The following SLC35D2 variants were observed in gnomAD, a reference collection of about 807,000 sequenced individuals.
The protein encoded by SLC35D2 is nucleotide sugar transporter SLC35D2.
In SLC35D2, 43 loss-of-function variants were observed where a neutral mutation model predicts 41.8. The ratio of observed to expected loss-of-function variants is 1.03; its 90% CI spans 0.81 to 1.33. The LOEUF is 1.33. Among genes scored for constraint, SLC35D2 ranks in the 40% most tolerant of loss-of-function variants. SLC35D2 has a pLI of 0.00. For synonymous variants in SLC35D2, 150 were observed against 163.9 expected, an observed-to-expected ratio of 0.92 and a Z score of 0.65; for missense variants, 380 against 408.4, an observed-to-expected ratio of 0.93 and a Z score of 0.60.
intron 1 of SLC35D2, among the ~76,000 whole-genome samples, chr9:96,375,915 CT>C (rs1230776625): frequency 6.6e-6 from 1 of 152,012 alleles, no homozygotes; most frequent in Non-Finnish European, 1.5e-5. Flanking sequence ...AATCCCAGCA[CT>C]TTGGGAGGCC....
chr9:96,348,597 GTCACTGCTGGTCTGTAGCTAAGCAC>G, intron 6 of SLC35D2, among the ~76,000 whole-genome samples: 1 of 152,288 alleles, frequency 6.6e-6, no homozygotes, highest in Non-Finnish European at 1.5e-5. Context: ...GCAGGATAGG[GTCACTGCTGGTCTGTAGCTAAGCAC>G]TCACTGCTGA....
chr9:96,345,766 G>A (rs2130915605), intron 6 of SLC35D2, among the ~76,000 whole-genome samples: 1 of 152,306 alleles, frequency 6.6e-6, no homozygotes, highest in East Asian at 1.9e-4. Context: ...AGTGAACAGG[G>A]CCACCTCCAG....
chr9:96,366,590 C>T (rs1040305446), intron 2 of SLC35D2, among the ~76,000 whole-genome samples: 2 of 136,300 alleles, frequency 1.5e-5, no homozygotes, highest in African/African-American at 5.5e-5. Context: ...GGTGCAATCT[C>T]GGCTCACTGC....
chr9:96,341,949 T>A (rs536656806), intron 8 of SLC35D2, among the ~76,000 whole-genome samples: 150 of 130,072 alleles, frequency 1.2e-3, no homozygotes, highest in Admixed American at 2.8e-3. Context: ...AAAAAAAAAA[T>A]ATATATATAT....
Position 96,345,333 on chromosome 9 carries a change from T to C in SLC35D2, c.557A>G (p.Asn186Ser). 1 of 1,612,026 alleles carries C rather than the reference T, an allele frequency of 6.2e-7. No individual in the cohort carries two copies. The highest frequency in any genetic ancestry group is 8.5e-7 in the Non-Finnish European group (1 of 1,178,668). ...VFLNDIFTAA[N>S]GVYTKQKMDP... ...CATTTTCTGTTTGGTATAAACTCCA[T>C]TTGCTGCTGTGAAGATATCATTCAG... is the stretch of plus-strand genomic sequence containing the variant. Residue 186 changes from asparagine (N) to serine (S), a missense_variant, in exon 7 of 12, where the codon AAT becomes AGT. Physicochemically the swap from Asn to Ser is conservative, Grantham distance 46. Coordinates refer to ENST00000253270, the MANE Select transcript of SLC35D2 (RefSeq NM_007001.3).
chr9:96,358,078 T>TATATATATATATATATATATATA lies in SLC35D2; in HGVS notation c.347+2075_347+2076insTATATATATATATATATATATAT, dbSNP rs1491320526. 1.0e-4 allele frequency among the ~76,000 whole-genome samples: 8 copies of TATATATATATATATATATATATA among 79,248 alleles called. 1 individual carries two copies. Among genetic ancestry groups the TATATATATATATATATATATATA allele is most frequent in the African/African-American group, 3.3e-4 (5 of 14,928 alleles). The allele number at this position is 79,248 out of a possible 152,430, so 52.0% of individuals were successfully genotyped here. A position where few individuals can be genotyped will look rare whatever the true frequency, so the allele number is the denominator to read the frequency against. On this transcript the variant is annotated intron_variant, in intron 4 of 11. Coordinates refer to ENST00000253270, the MANE Select transcript of SLC35D2 (RefSeq NM_007001.3). Reference sequence around the variant, plus strand: ...AAATGGATAAACAAAATATTATATATTTTATATATATATATATATATATAT... The same window carrying TATATATATATATATATATATATA: ...AAATGGATAAACAAAATATTATATATATATATATATATATATATATATATTTATATATATATATATATATATAT...
At chr9:96,376,447 A>T (rs928687905) in intron 1 of SLC35D2, among the ~76,000 whole-genome samples, 3 of 151,802 alleles carry the variant, frequency 2.0e-5, no homozygotes, top group African/African-American at 7.3e-5. Flanking sequence ...TCTACTAAAA[A>T]AATATATAAA....
At position 96,322,001 on chromosome 9, in the gene SLC35D2, A is replaced by G; in HGVS notation, c.911T>C (p.Ile304Thr). The G allele has an allele frequency of 6.3e-7, 1 of 1,578,340 alleles. No individual in the cohort carries two copies. Reference protein sequence around the residue: ...FSLLNFVGLNICMAGGLRYSF... With the variant: ...FSLLNFVGLNTCMAGGLRYSF... Reference sequence around the variant, plus strand: ...TCCATTAAAAATTCCCACTCACCAAATATTTAACCCTACAAAGTTTAACAA... The same window carrying G: ...TCCATTAAAAATTCCCACTCACCAAGTATTTAACCCTACAAAGTTTAACAA... The change falls in exon 11 of 12, where the codon ATT (isoleucine) becomes ACT (threonine). Residue 304 changes from isoleucine to threonine, a missense_variant. Physicochemically the swap from Ile to Thr is moderately conservative, Grantham distance 89 (BLOSUM62 -1). Coordinates refer to ENST00000253270, the MANE Select transcript of SLC35D2 (RefSeq NM_007001.3).
chr9:96,343,659 T>C (rs1451043384), intron 8 of SLC35D2, among the ~76,000 whole-genome samples: 3 of 152,190 alleles, frequency 2.0e-5, no homozygotes, highest in African/African-American at 7.2e-5. Flanking sequence ...CAGATTTGTA[T>C]TGTTGTTTTC....
intron 10 of SLC35D2, among the ~76,000 whole-genome samples, chr9:96,323,092 T>C (rs1035507266): frequency 1.3e-5 from 2 of 149,452 alleles, no homozygotes; most frequent in Admixed American, 6.8e-5. Flanking sequence ...CAGGGCCAAG[T>C]AGTGAGTTAA....
chr9:96,314,755 A>AT (rs1254941179), exon 12 of SLC35D2: 1 of 152,282 alleles, frequency 6.6e-6, no homozygotes, highest in African/African-American at 2.4e-5. Context: ...TACAAATTAA[A>AT]TTTTTAAAAA....
At chr9:96,362,235 T>C (rs1011321160) in intron 3 of SLC35D2, among the ~76,000 whole-genome samples, 1 of 152,146 alleles carries the variant, frequency 6.6e-6, no homozygotes, top group African/African-American at 2.4e-5. Flanking sequence ...TGGCTGGGTG[T>C]AGTGACTCAA....
At position 96,338,005 on chromosome 9, in the gene SLC35D2, A is replaced by AAAAAAG. The variant is rs373089900; in HGVS notation, c.685-1222_685-1221insCTTTTT. Among the ~76,000 whole-genome samples the AAAAAAG allele has an allele frequency of 1.0e-4, 11 of 104,794 alleles. 1 individual carries two copies. Among genetic ancestry groups the AAAAAAG allele is most frequent in the Admixed American group, 2.1e-4 (2 of 9,596 alleles). 68.7% of individuals were successfully genotyped at this position (104,794 alleles called of 152,430 possible). A position where few individuals can be genotyped will look rare whatever the true frequency, so the allele number is the denominator to read the frequency against. ...TCAAAAAAAAAAAAAAAAAAAAAAA[A>AAAAAAG]CTCAATTTCTGCTCTCCAGGAATTT... On this transcript the variant is annotated intron_variant, in intron 8 of 11. Coordinates refer to ENST00000253270, the MANE Select transcript of SLC35D2 (RefSeq NM_007001.3).
At chr9:96,373,179 A>T (rs946254568) in intron 1 of SLC35D2, among the ~76,000 whole-genome samples, 7 of 152,044 alleles carry the variant, frequency 4.6e-5, no homozygotes, top group African/African-American at 1.7e-4. Context: ...AATTACAGGC[A>T]TGAGCCATCA....
chr9:96,333,190 C>T (rs1828888371), intron 9 of SLC35D2, among the ~76,000 whole-genome samples: 1 of 151,702 alleles, frequency 6.6e-6, no homozygotes, highest in Non-Finnish European at 1.5e-5. Flanking sequence ...AGCCACTGCG[C>T]CTGGCCTGAA....
At chr9:96,347,062 G>C (rs960131990) in intron 6 of SLC35D2, among the ~76,000 whole-genome samples, 1 of 152,194 alleles carries the variant, frequency 6.6e-6, no homozygotes, top group Non-Finnish European at 1.5e-5. Context: ...CTTGAACCAG[G>C]GAGGCAGAGG....
intron 11 of SLC35D2, 89 bp downstream of exon 11, chr9:96,321,909 T>G (rs1163655631): frequency 2.7e-6 from 2 of 748,866 alleles, no homozygotes; most frequent in South Asian, 3.8e-5. Context: ...GTGAAAGACT[T>G]CTCCAGGCTC....
chr9:96,316,542 G>A (rs1828057505), downstream of SLC35D2, among the ~76,000 whole-genome samples: 1 of 151,704 alleles, frequency 6.6e-6, no homozygotes, highest in South Asian at 2.1e-4. Context: ...TGGGGTGGCT[G>A]GTGCTTTTCA....
chr9:96,340,484 G>A (rs571497992), intron 8 of SLC35D2, among the ~76,000 whole-genome samples: 5 of 151,670 alleles, frequency 3.3e-5, no homozygotes, highest in African/African-American at 1.2e-4. Flanking sequence ...GGGCATCATG[G>A]TGGCGGGCGC....
Sources: gnomAD v4.1 joint callset for allele counts (sites outside exome capture counted in the v4.1 genomes callset) on GRCh38, gnomAD v4.1.1 for gene constraint, MANE v1.5 for transcripts, NCBI Gene and HGNC (gene_info 2026-07-23, HGNC 2026-07-21) for gene names.